The following KCNQ4 variants were observed in gnomAD, a reference collection of about 807,000 sequenced individuals.
KCNQ4 encodes the protein potassium voltage-gated channel subfamily Q member 4.
A neutral mutation model predicts 72.6 loss-of-function variants in KCNQ4; 31 were observed. The ratio of observed to expected loss-of-function variants is 0.43; its 90% CI spans 0.32 to 0.58. KCNQ4 has a LOEUF of 0.58. Among genes scored for constraint, KCNQ4 ranks in the 20% least tolerant of loss-of-function variants. The pLI, the probability that KCNQ4 is intolerant of heterozygous loss-of-function variation, is 0.08. For missense variants in KCNQ4, 869 were observed against 962.6 expected (o/e 0.90, Z 1.29); for synonymous variants, 405 against 403.7 (o/e 1.00, Z -0.04).
Position 40,806,849 on chromosome 1 carries a change from C to T in KCNQ4, c.315-10416C>T, listed in dbSNP as rs1044904339. ...TCTGTGGTTCTTAGTTCCATTCCTG[C>T]GAAAGACAATCCGATTGGCTCAGCC... On this transcript the variant is annotated intron_variant, in intron 1 of 13. Transcript: ENST00000347132. Among the ~76,000 whole-genome samples the T allele has an allele frequency of 3.3e-5, 5 of 152,172 alleles. 1 individual carries two copies. The South Asian group carries it at 6.2e-4, about 19-fold the overall frequency.
chr1:40,835,078 G>T lies in KCNQ4; in HGVS notation c.1725G>T (p.Arg575=). ...YSAGHLDMLG[R]IKSLQTRVDQ... is the part of the protein sequence containing the mutation. ...CAGGCCACCTGGACATGCTGGGCCG[G>T]ATCAAGAGCCTGCAAACTCGGTGGG... Residue 575 remains arginine (R), a synonymous_variant, in exon 12 of 14, where the codon CGG becomes CGT. Transcript: ENST00000347132. 6.2e-7 allele frequency: 1 copy of T among 1,613,774 alleles called. No individual in the cohort carries two copies. Among genetic ancestry groups the T allele is most frequent in the South Asian group, 1.1e-5 (1 of 91,070 alleles).
intron 9 of KCNQ4, among the ~76,000 whole-genome samples, chr1:40,829,252 G>A (rs1648568404): frequency 1.3e-4 from 20 of 152,218 alleles, no homozygotes; most frequent in Admixed American, 1.3e-3. Context: ...GCAGGGTGGA[G>A]GGTGCTTGCC....
chr1:40,826,657 C>A (rs990635814), intron 9 of KCNQ4: 1 of 455,828 alleles, frequency 2.2e-6, no homozygotes, highest in African/African-American at 2.0e-5. Context: ...TAATAATAAA[C>A]GGAGTTTCTT....
At chr1:40,796,915 C>CAAATAAATAAATAAAT (rs3070277) in intron 1 of KCNQ4, among the ~76,000 whole-genome samples, 26 of 147,374 alleles carry the variant, frequency 1.8e-4, no homozygotes, top group East Asian at 6.1e-4. Context: ...GAGACTCCAT[C>CAAATAAATAAATAAAT]AAATAAATAA....
intron 9 of KCNQ4, among the ~76,000 whole-genome samples, chr1:40,825,110 G>C (rs1329819636): frequency 6.6e-6 from 1 of 152,236 alleles, no homozygotes; most frequent in African/African-American, 2.4e-5. Flanking sequence ...TAGAGGTTTA[G>C]CTTTGAGGTC....
chr1:40,824,166 G>A lies in KCNQ4; in HGVS notation c.1200G>A (p.Arg400=), dbSNP rs1279659769. ...RNGGLRPLEV[R]RAPVPDGAPS... The stretch of plus-strand genomic sequence containing the variant: ...GGGGCCTACGGCCCCTGGAGGTGCG[G>A]CGGGCGCCGGTACCCGACGGAGCAC... The change falls in exon 9 of 14, where the codon CGG becomes CGA. Residue 400 remains arginine, a synonymous_variant. Coordinates refer to ENST00000347132, the MANE Select transcript of KCNQ4 (RefSeq NM_004700.4). 1 of 1,554,980 alleles carries A rather than the reference G, an allele frequency of 6.4e-7. No individual in the cohort carries two copies. Among genetic ancestry groups the A allele is most frequent in the Non-Finnish European group, 8.7e-7 (1 of 1,149,952 alleles).
At chr1:40,792,045 G>A (rs1647293621) in intron 1 of KCNQ4, among the ~76,000 whole-genome samples, 1 of 143,730 alleles carries the variant, frequency 7.0e-6, no homozygotes, top group Admixed American at 6.8e-5. Flanking sequence ...GTGGGTCGGG[G>A]GTGGGGTAGG....
At chr1:40,801,255 T>C (rs901084520) in intron 1 of KCNQ4, among the ~76,000 whole-genome samples, 1 of 152,116 alleles carries the variant, frequency 6.6e-6, no homozygotes, top group African/African-American at 2.4e-5. Context: ...GGATCTTAAC[T>C]CTGCTTTCTG....
intron 1 of KCNQ4, among the ~76,000 whole-genome samples, chr1:40,803,424 C>T (rs1489837162): frequency 6.6e-6 from 1 of 152,214 alleles, no homozygotes; most frequent in Non-Finnish European, 1.5e-5. Context: ...GTGTCCACGC[C>T]CTTCTGCTTC....
intron 11 of KCNQ4, among the ~76,000 whole-genome samples, 164 bp from the exon 12 acceptor site, chr1:40,834,803 A>C (rs977391617): frequency 6.6e-6 from 1 of 151,860 alleles, no homozygotes; most frequent in Admixed American, 6.6e-5. Flanking sequence ...TGTTTCTGCT[A>C]CTTGGAGGTA....
At chr1:40,826,539 C>A (rs1648482750) in intron 9 of KCNQ4, 1 of 399,924 alleles carries the variant, frequency 2.5e-6, no homozygotes, top group Admixed American at 2.5e-5. Context: ...TCTTTCCCAC[C>A]AGCTACCGGA....
rs778109027 is a variant in KCNQ4 at position 40,818,628 on chromosome 1, G to A, written c.656G>A (p.Arg219His). The stretch of plus-strand genomic sequence containing the variant: ...ATCCTGCGCATGGTGCGCATGGACC[G>A]CCGCGGCGGCACCTGGAAGCTGCTG... Reference protein sequence around the residue: ...LQILRMVRMDRRGGTWKLLGS... With the variant: ...LQILRMVRMDHRGGTWKLLGS... Residue 219 changes from arginine to histidine, a missense_variant, in exon 4 of 14, where the codon CGC (arginine) becomes CAC (histidine). This residue lies in a region of KCNQ4 where 179 missense variants were observed against 243.0 expected (regional missense o/e 0.74). Coordinates refer to ENST00000347132, the MANE Select transcript of KCNQ4 (RefSeq NM_004700.4). 15 of 1,606,680 alleles carry A rather than the reference G, an allele frequency of 9.3e-6. No homozygotes were observed. The highest frequency in any genetic ancestry group is 2.2e-5 in the South Asian group (2 of 90,956).
chr1:40,818,020 A>G, intron 2 of KCNQ4, 144 bp from the exon 3 acceptor site: 1 of 1,037,628 alleles, frequency 9.6e-7, no homozygotes, highest in Non-Finnish European at 1.5e-6. Context: ...GCCCTCCGGA[A>G]TCGTCAAGTC....
At chr1:40,834,715 C>T (rs1260607282) in intron 11 of KCNQ4, among the ~76,000 whole-genome samples, 3 of 152,134 alleles carry the variant, frequency 2.0e-5, no homozygotes, top group Non-Finnish European at 4.4e-5. Flanking sequence ...AGGCTGATCT[C>T]CTGTCTTCTC....
At chr1:40,792,952 T>C (rs1647312908) in intron 1 of KCNQ4, among the ~76,000 whole-genome samples, 1 of 151,646 alleles carries the variant, frequency 6.6e-6, no homozygotes, top group Non-Finnish European at 1.5e-5. Context: ...TCCACCATGC[T>C]GCCTCCCCAA....
In KCNQ4 at chr1:40,819,352, G is replaced by A; in HGVS notation, c.714G>A (p.Leu238=). 1 of 1,613,778 alleles carries A rather than the reference G, an allele frequency of 6.2e-7. No homozygotes were observed. The highest frequency in any genetic ancestry group is 8.5e-7 in the Non-Finnish European group (1 of 1,179,948). Residue 238 remains leucine, a synonymous_variant, in exon 5 of 14, where the codon CTG becomes CTA. Coordinates refer to ENST00000347132, the MANE Select transcript of KCNQ4 (RefSeq NM_004700.4). The part of the protein sequence containing the change: ...GSVVYAHSKE[L]ITAWYIGFLV... ...CCCCTCCGCCTGCCCCGCAGGAGCTGATCACCGCCTGGTACATCGGGTTCC... is the reference window on the plus strand; with the variant it reads ...CCCCTCCGCCTGCCCCGCAGGAGCTAATCACCGCCTGGTACATCGGGTTCC...
intron 8 of KCNQ4, among the ~76,000 whole-genome samples, chr1:40,822,747 G>T (rs1648342873): frequency 6.6e-6 from 1 of 152,214 alleles, no homozygotes; most frequent in Non-Finnish European, 1.5e-5. Context: ...CTGAATGGGG[G>T]ACAGAGTTAG....
In KCNQ4 at chr1:40,784,631, C is replaced by G. The variant is rs946907065; in HGVS notation, c.314+224C>G. ...TGCTTGACCTCGCTTCTGACCTCCC[C>G]GCACCGCAACTGCTTATTTCCATCC... On this transcript the variant is annotated intron_variant, in intron 1 of 13. Transcript: ENST00000347132. The surrounding 1 kb of genome is among the most constrained non-coding windows in gnomAD (Gnocchi z 4.1). Among the ~76,000 whole-genome samples, 29 of 152,146 alleles carry G rather than the reference C, an allele frequency of 1.9e-4. No individual in the cohort carries two copies. The highest frequency in any genetic ancestry group is 6.8e-4 in the African/African-American group (28 of 41,446).
chr1:40,838,469 C>T lies in KCNQ4; in HGVS notation c.2034C>T (p.Ser678=). 6.2e-7 allele frequency: 1 copy of T among 1,614,182 alleles called. No individual in the cohort carries two copies. Among genetic ancestry groups the T allele is most frequent in the Non-Finnish European group, 8.5e-7 (1 of 1,179,988 alleles). Residue 678 remains serine (S), a synonymous_variant, in exon 14 of 14, where the codon TCC becomes TCT. Coordinates refer to ENST00000347132, the MANE Select transcript of KCNQ4 (RefSeq NM_004700.4). ...GCCCTGTGGACCACGAGGACATCTC[C>T]GTCTCCGCACAGACGCTCAGCATCT... The part of the protein sequence containing the change: ...YHSPVDHEDI[S]VSAQTLSISR...
Sources: gnomAD v4.1 joint callset for allele counts (sites outside exome capture counted in the v4.1 genomes callset) on GRCh38, gnomAD v4.1.1 for gene constraint, gnomAD v4.1.1 regional missense constraint, Gnocchi (gnomAD v3.1) non-coding constraint, MANE v1.5 for transcripts, NCBI Gene and HGNC (gene_info 2026-07-23, HGNC 2026-07-21) for gene names.